RAD51B: variants seen among roughly 807,000 people sequenced by gnomAD.
RAD51B encodes the protein RAD51 paralog B, also known as DNA repair protein RAD51 homolog 2.
RAD51B carries 38 observed loss-of-function variants against 42.2 expected under a neutral mutation model. The observed-to-expected ratio is 0.90, with a 90% CI of 0.70 to 1.18. RAD51B has a LOEUF of 1.18. Among genes scored for constraint, RAD51B ranks in the 50% most tolerant of loss-of-function variants. The pLI, the probability that RAD51B is intolerant of heterozygous loss-of-function variation, is 0.00. For missense variants in RAD51B, 373 were observed against 400.7 expected (o/e 0.93, Z 0.59); for synonymous variants, 154 against 145.2 (o/e 1.06, Z -0.43).
chr14:68,015,060 G>T (rs1435074624), intron 7 of RAD51B, among the ~76,000 whole-genome samples: 2 of 152,098 alleles, frequency 1.3e-5, no homozygotes, highest in Non-Finnish European at 2.9e-5. Flanking sequence ...TGCAATCTTG[G>T]TCCAGTTACT....
intron 7 of RAD51B, among the ~76,000 whole-genome samples, chr14:68,059,816 C>G (rs2076540860): frequency 6.6e-6 from 1 of 152,186 alleles, no homozygotes; most frequent in Non-Finnish European, 1.5e-5. Flanking sequence ...ATATACTTCT[C>G]TATCCCACAC....
At chr14:68,395,053 C>T (rs1350725818) in intron 8 of RAD51B, among the ~76,000 whole-genome samples, 7 of 152,156 alleles carry the variant, frequency 4.6e-5, no homozygotes, top group African/African-American at 1.7e-4. Flanking sequence ...GTCGGCATCC[C>T]CCCCTTTCTT....
chr14:68,495,973 CCGAAACCCAGCTTAAGAAATGAAATGTTA>C (rs1884480786), intron 10 of RAD51B, among the ~76,000 whole-genome samples: 4 of 152,160 alleles, frequency 2.6e-5, no homozygotes, highest in Admixed American at 2.6e-4. Flanking sequence ...CATCCATGTA[CCGAAACCCAGCTTAAGAAATGAAATGTTA>C]CTGATGCAAT....
intron 11 of RAD51B, among the ~76,000 whole-genome samples, chr14:68,654,969 A>G (rs1482232301): frequency 6.6e-6 from 1 of 151,980 alleles, no homozygotes; most frequent in Non-Finnish European, 1.5e-5. Flanking sequence ...GGTAAGTTAG[A>G]GTGAAAGGAG....
chr14:68,292,066 T>C (rs1175794198), intron 8 of RAD51B, 86 bp downstream of exon 8: 1 of 1,264,750 alleles, frequency 7.9e-7, no homozygotes, highest in African/African-American at 1.5e-5. Flanking sequence ...AGCTGGGAGA[T>C]ATGGCTAATA....
chr14:68,442,426 G>C (rs1056802855), intron 9 of RAD51B, among the ~76,000 whole-genome samples: 1 of 146,156 alleles, frequency 6.8e-6, no homozygotes, highest in African/African-American at 2.5e-5. Context: ...CTATGTAGTA[G>C]GCATTGTGCT....
intron 11 of RAD51B, among the ~76,000 whole-genome samples, chr14:68,667,627 A>G (rs150030639): frequency 1.1e-4 from 16 of 152,340 alleles, no homozygotes; most frequent in African/African-American, 3.8e-4. Context: ...CCAGGCCAAC[A>G]CTAAGGTAGA....
chr14:68,209,339 T>A (rs2079654933), intron 7 of RAD51B, among the ~76,000 whole-genome samples: 1 of 152,194 alleles, frequency 6.6e-6, no homozygotes, highest in Admixed American at 6.5e-5. Context: ...CCTTTCTAAG[T>A]TGAGGCAGTG....
intron 1 of RAD51B, among the ~76,000 whole-genome samples, chr14:67,821,809 CA>C (rs1180312755): frequency 6.6e-6 from 1 of 151,582 alleles, no homozygotes; most frequent in Non-Finnish European, 1.5e-5. Flanking sequence ...TTGAATTTAT[CA>C]GTCTAAATGG....
At chr14:68,366,832 C>T (rs754829136) in intron 8 of RAD51B, among the ~76,000 whole-genome samples, 4 of 152,166 alleles carry the variant, frequency 2.6e-5, no homozygotes, top group Non-Finnish European at 4.4e-5. Context: ...TGGCCTCTTC[C>T]GTGACCTTGT....
Position 68,355,022 on chromosome 14 carries a change from T to C in RAD51B, c.854-56402T>C, listed in dbSNP as rs571949795. Among the ~76,000 whole-genome samples the C allele has an allele frequency of 3.3e-5, 5 of 152,310 alleles. 1 individual carries two copies. The highest frequency in any genetic ancestry group is 4.2e-4 in the South Asian group (2 of 4,818). Reference sequence around the variant, plus strand: ...TCAGGCTTTTTAGGAAGAACTCTAGTGAGTAAGCTCTCTGGCTGTAGAGGG... The same window carrying C: ...TCAGGCTTTTTAGGAAGAACTCTAGCGAGTAAGCTCTCTGGCTGTAGAGGG... On this transcript the variant is annotated intron_variant, in intron 8 of 10. Transcript: ENST00000471583.
chr14:68,541,418 G>A, intron 10 of RAD51B: 1 of 985,434 alleles, frequency 1.0e-6, no homozygotes, highest in Non-Finnish European at 1.2e-6. Flanking sequence ...CACAGAGTGT[G>A]TCTGTGCATC....
At chr14:67,882,684 T>C (rs1360079544) in intron 5 of RAD51B, among the ~76,000 whole-genome samples, 4 of 152,218 alleles carry the variant, frequency 2.6e-5, no homozygotes, top group Non-Finnish European at 5.9e-5. Flanking sequence ...GAATCTTGTC[T>C]TTTCTGCTTC....
chr14:68,156,706 A>G (rs1415496148), intron 7 of RAD51B, among the ~76,000 whole-genome samples: 3 of 152,172 alleles, frequency 2.0e-5, no homozygotes, highest in South Asian at 4.1e-4. Context: ...ATAATGAATT[A>G]TGATTTTATT....
At chr14:68,370,150 T>C (rs2083223617) in intron 8 of RAD51B, among the ~76,000 whole-genome samples, 1 of 152,226 alleles carries the variant, frequency 6.6e-6, no homozygotes, top group Non-Finnish European at 1.5e-5. Context: ...GTCTGATTTT[T>C]CACATAAAAA....
chr14:67,847,930 C>G (rs1439067689), intron 4 of RAD51B, among the ~76,000 whole-genome samples: 3 of 152,112 alleles, frequency 2.0e-5, no homozygotes, highest in Non-Finnish European at 2.9e-5. Context: ...TTTTATCAGT[C>G]AAGAAGAACT....
At chr14:68,311,481 A>T (rs974602935) in intron 8 of RAD51B, among the ~76,000 whole-genome samples, 63 of 152,292 alleles carry the variant, frequency 4.1e-4, no homozygotes, top group African/African-American at 1.4e-3. Flanking sequence ...AAGCTATCTC[A>T]GCTCAAGATC....
chr14:68,072,665 C>CACAG (rs1179340098), intron 7 of RAD51B, among the ~76,000 whole-genome samples: 3 of 152,144 alleles, frequency 2.0e-5, no homozygotes, highest in Non-Finnish European at 4.4e-5. Flanking sequence ...TATTAACCAT[C>CACAG]ACAGGTACTA....
intron 7 of RAD51B, among the ~76,000 whole-genome samples, chr14:68,219,602 A>G (rs1236458561): frequency 6.6e-6 from 1 of 152,094 alleles, no homozygotes; most frequent in Non-Finnish European, 1.5e-5. Context: ...AACAATCACT[A>G]GAGTTTGGCT....
Sources: gnomAD v4.1 joint callset for allele counts (sites outside exome capture counted in the v4.1 genomes callset) on GRCh38, gnomAD v4.1.1 for gene constraint, MANE v1.5 for transcripts, NCBI Gene and HGNC (gene_info 2026-07-23, HGNC 2026-07-21) for gene names.